The following ZFHX4 variants were observed in gnomAD, a reference collection of about 807,000 sequenced individuals.
The protein encoded by ZFHX4 is zinc finger homeobox 4.
In ZFHX4, 56 loss-of-function variants were observed where a neutral mutation model predicts 267.6. The observed-to-expected ratio is 0.21, with a 90% CI of 0.17 to 0.26. ZFHX4 has a LOEUF of 0.26. Ranked by LOEUF, ZFHX4 falls within the 10% of genes least tolerant of loss-of-function variation. ZFHX4 has a pLI of 1.00. For synonymous variants in ZFHX4, 1,778 were observed against 1,665.6 expected, an observed-to-expected ratio of 1.07 and a Z score of -1.64; for missense variants, 4,332 against 4,420.0, an observed-to-expected ratio of 0.98 and a Z score of 0.56.
At chr8:76,735,883 C>T (rs896117946) in intron 3 of ZFHX4, among the ~76,000 whole-genome samples, 1 of 151,996 alleles carries the variant, frequency 6.6e-6, no homozygotes, top group East Asian at 1.9e-4. Context: ...GCACTTATGC[C>T]TGTCTTTGTA....
intron 10 of ZFHX4, among the ~76,000 whole-genome samples, chr8:76,857,352 TTTTATATA>T (rs1457163224): frequency 1.3e-4 from 10 of 76,036 alleles, no homozygotes; most frequent in Non-Finnish European, 2.5e-4. Context: ...AATTCACTAA[TTTTATATA>T]TATATATATA....
intron 1 of ZFHX4, among the ~76,000 whole-genome samples, chr8:76,687,535 A>T (rs911267344): frequency 6.6e-6 from 1 of 152,194 alleles, no homozygotes; most frequent in Admixed American, 6.5e-5. Flanking sequence ...CTTTTTGGGC[A>T]TCTGTAAAAG....
Position 76,705,425 on chromosome 8 carries a change from AAAGGCC to A in ZFHX4, c.1340_1345del (p.Arg447_Pro448del). 1 of 1,613,852 alleles carries A rather than the reference AAAGGCC, an allele frequency of 6.2e-7. No individual in the cohort carries two copies. Among genetic ancestry groups the A allele is most frequent in the Non-Finnish European group, 8.5e-7 (1 of 1,179,862 alleles). On this transcript the variant is annotated inframe_deletion, in exon 2 of 11. Transcript: ENST00000651372. ...AGCAAAGACCAAGAGAACAACTGTG[AAAGGCC>A]AAAAGAAAGCAACGTTTTACACCCA... is the stretch of plus-strand genomic sequence containing the variant.
At chr8:76,732,153 T>C (rs1809032501) in intron 3 of ZFHX4, among the ~76,000 whole-genome samples, 1 of 151,978 alleles carries the variant, frequency 6.6e-6, no homozygotes, top group Admixed American at 6.6e-5. Flanking sequence ...TGATCACATT[T>C]TTGTAAGGAG....
intron 4 of ZFHX4, among the ~76,000 whole-genome samples, chr8:76,818,915 T>A (rs1212329370): frequency 2.0e-5 from 3 of 149,776 alleles, no homozygotes; most frequent in Non-Finnish European, 4.4e-5. Context: ...AGACCTTGCC[T>A]AAAAAAAAAG....
At chr8:76,744,009 A>G (rs1809389896) in intron 3 of ZFHX4, among the ~76,000 whole-genome samples, 1 of 152,164 alleles carries the variant, frequency 6.6e-6, no homozygotes. Flanking sequence ...GTGAGTACCT[A>G]TGCCCTTCCT....
chr8:76,748,190 G>A (rs1809513066), intron 3 of ZFHX4, among the ~76,000 whole-genome samples: 1 of 151,964 alleles, frequency 6.6e-6, no homozygotes, highest in Non-Finnish European at 1.5e-5. Flanking sequence ...TGACTCATAA[G>A]ATCTTTATCC....
intron 3 of ZFHX4, among the ~76,000 whole-genome samples, chr8:76,729,853 G>C (rs1158930015): frequency 6.6e-6 from 1 of 152,158 alleles, no homozygotes; most frequent in Non-Finnish European, 1.5e-5. Context: ...ATGACTAAAA[G>C]CTGGTATTAA....
intron 9 of ZFHX4, among the ~76,000 whole-genome samples, 197 bp from the exon 10 acceptor site, chr8:76,850,689 C>G (rs1001695495): frequency 6.6e-6 from 1 of 152,052 alleles, no homozygotes; most frequent in African/African-American, 2.4e-5. Context: ...TTTCTTGAGG[C>G]CAGCGGTGAT....
intron 4 of ZFHX4, among the ~76,000 whole-genome samples, chr8:76,816,714 G>C (rs1346031336): frequency 2.0e-5 from 3 of 149,230 alleles, no homozygotes; most frequent in African/African-American, 7.5e-5. Flanking sequence ...TCCTGCCTCA[G>C]CCTCCTGAGT....
chr8:76,776,107 A>G (rs1810394419), intron 3 of ZFHX4, among the ~76,000 whole-genome samples: 1 of 151,974 alleles, frequency 6.6e-6, no homozygotes, highest in Non-Finnish European at 1.5e-5. Flanking sequence ...CACTTGAATC[A>G]ACAAGCATAA....
In ZFHX4 at chr8:76,698,708, C is replaced by T. The variant is rs140761043; in HGVS notation, c.-46-5335C>T. On this transcript the variant is annotated intron_variant, in intron 1 of 10. Coordinates refer to ENST00000651372, the MANE Select transcript of ZFHX4 (RefSeq NM_024721.5). ...AAAATGAGAGGAAAACAGAGAAAAA[C>T]GACTTAGTTGGCTCACATACTCATA... Among the ~76,000 whole-genome samples, 1,054 of 152,126 alleles carry T rather than the reference C, an allele frequency of 6.9e-3. 4 individuals carry two copies. The highest frequency in any genetic ancestry group is 9.6e-3 in the Non-Finnish European group (650 of 67,968).
intron 3 of ZFHX4, among the ~76,000 whole-genome samples, chr8:76,734,989 A>T (rs997945812): frequency 3.3e-5 from 5 of 152,174 alleles, no homozygotes; most frequent in African/African-American, 1.2e-4. Flanking sequence ...AAGAAACATG[A>T]TACTCTATTG....
chr8:76,759,340 T>C (rs377536821), intron 3 of ZFHX4, among the ~76,000 whole-genome samples: 9 of 152,336 alleles, frequency 5.9e-5, no homozygotes, highest in Middle Eastern at 3.4e-3. Context: ...TTACTCATTT[T>C]GGTTACCACT....
intron 1 of ZFHX4, among the ~76,000 whole-genome samples, 179 bp downstream of exon 1, chr8:76,681,799 C>G (rs1315466716): frequency 6.6e-6 from 1 of 152,036 alleles, no homozygotes; most frequent in Non-Finnish European, 1.5e-5. Flanking sequence ...CACACATCCC[C>G]TCATCCCGAC....
intron 4 of ZFHX4, among the ~76,000 whole-genome samples, chr8:76,802,105 G>C (rs750119958): frequency 7.2e-5 from 11 of 152,174 alleles, no homozygotes; most frequent in Non-Finnish European, 1.5e-4. Context: ...TCGCGAATGA[G>C]ATAATCAGCA....
chr8:76,813,089 T>TA (rs1811418767), intron 4 of ZFHX4, among the ~76,000 whole-genome samples: 1 of 152,110 alleles, frequency 6.6e-6, no homozygotes. Flanking sequence ...TGCATAAAAG[T>TA]AAAAATTCTA....
At chr8:76,837,072 G>T (rs1332252854) in intron 5 of ZFHX4, among the ~76,000 whole-genome samples, 1 of 152,064 alleles carries the variant, frequency 6.6e-6, no homozygotes, top group Non-Finnish European at 1.5e-5. Flanking sequence ...TACTAAACTA[G>T]ATAGACTTTT....
chr8:76,728,732 C>A (rs1406824784), intron 3 of ZFHX4, among the ~76,000 whole-genome samples: 1 of 152,144 alleles, frequency 6.6e-6, no homozygotes, highest in East Asian at 1.9e-4. Context: ...TTATTAGTGA[C>A]AACTAACACA....
Sources: allele counts gnomAD v4.1 joint callset (sites outside exome capture counted in the v4.1 genomes callset), GRCh38; gene constraint gnomAD v4.1.1; transcripts MANE v1.5; gene names NCBI Gene and HGNC (gene_info 2026-07-23, HGNC 2026-07-21).